Variants in NR2C1 observed in about 807,000 individuals in gnomAD.
The protein encoded by NR2C1 is TR2 nuclear hormone receptor.
A neutral mutation model predicts 74.8 loss-of-function variants in NR2C1; 33 were observed. The ratio of observed to expected loss-of-function variants is 0.44; its 90% CI spans 0.33 to 0.59. NR2C1 has a LOEUF of 0.59. NR2C1 is among the 20% of genes least tolerant of loss of function. The pLI, the probability that NR2C1 is intolerant of heterozygous loss-of-function variation, is 0.02. For missense variants in NR2C1, 568 were observed against 715.6 expected (o/e 0.79, Z 2.35); for synonymous variants, 225 against 240.6 (o/e 0.94, Z 0.60).
chr12:95,025,658 TAAAAAAAAA>T (rs11291964), intron 12 of NR2C1, among the ~76,000 whole-genome samples: 1 of 86,564 alleles, frequency 1.2e-5, no homozygotes, highest in Non-Finnish European at 2.2e-5. Flanking sequence ...AACTCTGTCT[TAAAAAAAAA>T]AAAAAAAAAA....
intron 8 of NR2C1, among the ~76,000 whole-genome samples, chr12:95,049,788 A>C (rs939952858): frequency 2.0e-5 from 3 of 152,178 alleles, no homozygotes; most frequent in Admixed American, 2.0e-4. Context: ...AAAAATTCAG[A>C]AAACATTTTA....
chr12:95,032,990 T>G (rs1283674813), intron 10 of NR2C1, among the ~76,000 whole-genome samples: 2 of 151,816 alleles, frequency 1.3e-5, no homozygotes, highest in Admixed American at 6.6e-5. Flanking sequence ...GAGAATTAAC[T>G]GGGTGCTGTG....
At chr12:95,063,508 CA>C (rs1875112310) in intron 2 of NR2C1, among the ~76,000 whole-genome samples, 1 of 152,044 alleles carries the variant, frequency 6.6e-6, no homozygotes, top group Non-Finnish European at 1.5e-5. Flanking sequence ...GGAGAGCCAC[CA>C]AAGGGTTTGG....
At chr12:95,072,075 A>ACATC (rs1167006004) in intron 1 of NR2C1, among the ~76,000 whole-genome samples, 1 of 151,318 alleles carries the variant, frequency 6.6e-6, no homozygotes, top group Non-Finnish European at 1.5e-5. Flanking sequence ...ATAGAAATAC[A>ACATC]CATCGCTTTT....
chr12:95,062,398 A>C, intron 3 of NR2C1, 110 bp downstream of exon 3: 1 of 704,964 alleles, frequency 1.4e-6, no homozygotes, highest in Non-Finnish European at 2.4e-6. Context: ...AATTTTATGC[A>C]TTTTTTTCCT....
At chr12:95,058,136 AAAT>A (rs1372979630) in intron 5 of NR2C1, 171 bp downstream of exon 5, 7 of 646,506 alleles carry the variant, frequency 1.1e-5, no homozygotes, top group Non-Finnish European at 1.8e-5. Flanking sequence ...GGTATTCAAT[AAAT>A]ATTAGTTGAA....
intron 3 of NR2C1, among the ~76,000 whole-genome samples, chr12:95,061,945 C>G (rs914195160): frequency 6.6e-6 from 1 of 152,176 alleles, no homozygotes; most frequent in African/African-American, 2.4e-5. Context: ...AAAGCAGGAG[C>G]CCATGACTGC....
intron 10 of NR2C1, among the ~76,000 whole-genome samples, chr12:95,038,577 G>A (rs564589478): frequency 6.6e-6 from 1 of 152,308 alleles, no homozygotes; most frequent in African/African-American, 2.4e-5. Flanking sequence ...GGCCAACATG[G>A]CGAAATCCCA....
intron 10 of NR2C1, among the ~76,000 whole-genome samples, chr12:95,040,015 T>C (rs531506187): frequency 6.6e-6 from 1 of 152,202 alleles, no homozygotes; most frequent in East Asian, 1.9e-4. Context: ...CATTTTCTTT[T>C]TTTTTTTTTG....
intron 2 of NR2C1, among the ~76,000 whole-genome samples, chr12:95,064,879 T>C (rs375198185): frequency 2.2e-4 from 34 of 152,338 alleles, no homozygotes; most frequent in Non-Finnish European, 3.7e-4. Context: ...TTCTTTTCTA[T>C]GCAAAATTTA....
At chr12:95,065,628 T>C (rs1875569565) in intron 2 of NR2C1, among the ~76,000 whole-genome samples, 1 of 152,132 alleles carries the variant, frequency 6.6e-6, no homozygotes, top group African/African-American at 2.4e-5. Context: ...AATCCAATTA[T>C]ACTCTTTTAG....
At position 95,031,329 on chromosome 12, in the gene NR2C1, G is replaced by A. The variant is rs181763773; in HGVS notation, c.1393+20C>T. 197 of 1,557,138 alleles carry A rather than the reference G, an allele frequency of 1.3e-4. No homozygotes were observed. The highest frequency in any genetic ancestry group is 1.6e-4 in the Non-Finnish European group (182 of 1,156,410). ...TGCCTCCTCCTACAACCTGGAAAAG[G>A]TAAGGAAGGTGCTTTTTACCTTGTT... On this transcript the variant is annotated intron_variant, in intron 11 of 13. Coordinates refer to ENST00000333003, the MANE Select transcript of NR2C1 (RefSeq NM_003297.4).
chr12:95,070,018 C>T (rs1876355624), intron 1 of NR2C1, among the ~76,000 whole-genome samples: 2 of 152,208 alleles, frequency 1.3e-5, no homozygotes, highest in Admixed American at 1.3e-4. Context: ...TAAGGCTGCT[C>T]TGATAGCAGT....
rs1177330002 is a variant in NR2C1 at position 95,046,957 on chromosome 12, CA to C, written c.1131+2110del. On this transcript the variant is annotated intron_variant, in intron 9 of 13. Transcript: ENST00000333003. ...CTGACTGTGAGGATACTTAGGAAGA[CA>C]AAGATGGGAATGACAAAAGCCAATC... 4.6e-5 allele frequency among the ~76,000 whole-genome samples: 7 copies of C among 151,824 alleles called. No individual in the cohort carries two copies. In the East Asian group the frequency reaches 1.2e-3, roughly 25 times the overall value.
At chr12:95,071,743 A>C (rs1368720455) in intron 1 of NR2C1, among the ~76,000 whole-genome samples, 2 of 151,548 alleles carry the variant, frequency 1.3e-5, no homozygotes, top group Admixed American at 1.3e-4. Context: ...CATTTCATAA[A>C]ACCCACTTTT....
At chr12:95,050,572 G>C (rs1181511805) in intron 8 of NR2C1, among the ~76,000 whole-genome samples, 1 of 151,958 alleles carries the variant, frequency 6.6e-6, no homozygotes, top group Non-Finnish European at 1.5e-5. Flanking sequence ...GCCTCCTAAA[G>C]TGGTAGGATT....
At chr12:95,024,945 C>G (rs1436760228) in intron 13 of NR2C1, among the ~76,000 whole-genome samples, 1 of 152,188 alleles carries the variant, frequency 6.6e-6, no homozygotes, top group Non-Finnish European at 1.5e-5. Context: ...GTGCTGAAGT[C>G]TCCTCTTATA....
At chr12:95,068,051 T>C (rs1307914451) in intron 1 of NR2C1, among the ~76,000 whole-genome samples, 2 of 152,076 alleles carry the variant, frequency 1.3e-5, no homozygotes, top group Non-Finnish European at 2.9e-5. Context: ...CTAATTTTTT[T>C]GTATTTTTAG....
At position 95,056,125 on chromosome 12, in the gene NR2C1, GCA is replaced by G. The variant is rs1373847401; in HGVS notation, c.783+1426_783+1427del. Among the ~76,000 whole-genome samples the G allele has an allele frequency of 4.0e-5, 6 of 151,836 alleles. No homozygotes were observed. The East Asian group carries it at 5.8e-4, about 15-fold the overall frequency. On this transcript the variant is annotated intron_variant, in intron 7 of 13. Coordinates refer to ENST00000333003, the MANE Select transcript of NR2C1 (RefSeq NM_003297.4). ...TACAAAAATAGGAAAAATTAGCCAG[GCA>G]CAGTGTCACGTGCCTGCAGCCCTAG...
Sources: allele counts gnomAD v4.1 joint callset (sites outside exome capture counted in the v4.1 genomes callset), GRCh38; gene constraint gnomAD v4.1.1; transcripts MANE v1.5; gene names NCBI Gene and HGNC (gene_info 2026-07-23, HGNC 2026-07-21).